Variants in PLCG1 observed in about 807,000 individuals in gnomAD.
The protein encoded by PLCG1 is phospholipase C gamma 1.
Under a neutral mutation model 177.8 loss-of-function variants are expected in PLCG1, and 71 were observed. That is an observed-to-expected ratio of 0.40 (90% CI 0.33 to 0.49). The LOEUF (loss-of-function observed/expected upper bound fraction) is 0.49. Among genes scored for constraint, PLCG1 ranks in the 20% least tolerant of loss-of-function variants. The probability of loss-of-function intolerance (pLI) is 0.72; values close to 1 mark genes in which losing one functional copy is unlikely to be tolerated. For synonymous variants in PLCG1, 658 were observed against 647.9 expected, an observed-to-expected ratio of 1.02 and a Z score of -0.24; for missense variants, 1,281 against 1,709.0, an observed-to-expected ratio of 0.75 and a Z score of 4.42.
In PLCG1 at chr20:41,141,673, A is replaced by G. The variant is rs35985779; in HGVS notation, c.217+3815A>G. On this transcript the variant is annotated intron_variant, in intron 1 of 31. Coordinates refer to ENST00000685551, the MANE Select transcript of PLCG1 (RefSeq NM_002660.3). ...TGCCTGTGTATTTCCTGTCTGATGTAGTTTTTTCCAAGGGAAGTCAGACCT... is the reference window on the plus strand; with the variant it reads ...TGCCTGTGTATTTCCTGTCTGATGTGGTTTTTTCCAAGGGAAGTCAGACCT... Among the ~76,000 whole-genome samples the G allele has an allele frequency of 9.9e-3, 1,502 of 152,342 alleles. 22 individuals are homozygous for G. The highest frequency in any genetic ancestry group is 0.034 in the African/African-American group (1,430 of 41,576).
In PLCG1 at chr20:41,148,217, G is replaced by A. The variant is rs2035056525; in HGVS notation, c.217+10359G>A. Among the ~76,000 whole-genome samples, 1 of 152,220 alleles carries A rather than the reference G, an allele frequency of 6.6e-6. No individual in the cohort carries two copies. Among genetic ancestry groups the A allele is most frequent in the Non-Finnish European group, 1.5e-5 (1 of 68,048 alleles). On this transcript the variant is annotated intron_variant, in intron 1 of 31. Transcript: ENST00000685551. The surrounding 1 kb of genome is among the most constrained non-coding windows in gnomAD (Gnocchi z 4.3). ...TAAACCAACATTTACTGTCCAAGAG[G>A]TGGCAGTAACACAGAAACCAAAGAG... is the stretch of plus-strand genomic sequence containing the variant.
Position 41,163,007 on chromosome 20 carries a change from G to C in PLCG1, c.716+15G>C, listed in dbSNP as rs374657156. 18 of 1,612,988 alleles carry C rather than the reference G, an allele frequency of 1.1e-5. No homozygotes were observed. In the South Asian group the frequency reaches 1.8e-4, roughly 16 times the overall value. ...AGTACTCTGAGGTTTGGTTTGGAGTGGGGAGGTGGGGTTTTCCCTGGGCCC... is the reference window on the plus strand; with the variant it reads ...AGTACTCTGAGGTTTGGTTTGGAGTCGGGAGGTGGGGTTTTCCCTGGGCCC... On this transcript the variant is annotated intron_variant, in intron 7 of 31. Transcript: ENST00000685551. The surrounding 1 kb of genome is among the most constrained non-coding windows in gnomAD (Gnocchi z 5.2).
Position 41,163,891 on chromosome 20 carries a change from A to T in PLCG1, c.1011-30A>T, listed in dbSNP as rs757140342. Reference sequence around the variant, plus strand: ...CTTCCCCAGGAGGGCCCATCTGACCATACCTACCTGCCTCTCCTTGCCTAT... The same window carrying T: ...CTTCCCCAGGAGGGCCCATCTGACCTTACCTACCTGCCTCTCCTTGCCTAT... On this transcript the variant is annotated intron_variant, in intron 10 of 31. Coordinates refer to ENST00000685551, the MANE Select transcript of PLCG1 (RefSeq NM_002660.3). The surrounding 1 kb of genome is among the most constrained non-coding windows in gnomAD (Gnocchi z 5.2). 6.2e-7 allele frequency: 1 copy of T among 1,612,244 alleles called. No homozygotes were observed. Among genetic ancestry groups the T allele is most frequent in the Non-Finnish European group, 8.5e-7 (1 of 1,178,432 alleles).
rs1262069083 is a variant in PLCG1, at chr20:41,175,077, G to A, written c.*568G>A. 2 of 153,974 alleles carry A rather than the reference G, an allele frequency of 1.3e-5. No homozygotes were observed. Among genetic ancestry groups the A allele is most frequent in the African/African-American group, 4.8e-5 (2 of 41,458 alleles). The allele number at this position is 153,974 out of a possible 1,614,324, so 9.5% of individuals were successfully genotyped here. A position where few individuals can be genotyped will look rare whatever the true frequency, so the allele number is the denominator to read the frequency against. Reference sequence around the variant, plus strand: ...CCTGAGGAGGAGGACACAGCACAAGGGCACATTGCCCATGGCTGGGAACAT... The same window carrying A: ...CCTGAGGAGGAGGACACAGCACAAGAGCACATTGCCCATGGCTGGGAACAT... On this transcript the variant is annotated 3_prime_UTR_variant, in exon 32 of 32. Coordinates refer to ENST00000685551, the MANE Select transcript of PLCG1 (RefSeq NM_002660.3).
chr20:41,164,548 G>A lies in PLCG1; in HGVS notation c.1217+347G>A, dbSNP rs760763. 1 allele frequency among the ~76,000 whole-genome samples: 151,737 copies of A among 152,246 alleles called. 75,617 individuals carry two copies. Among genetic ancestry groups the A allele is most frequent in the Middle Eastern group, 1 (294 of 294 alleles). On this transcript the variant is annotated intron_variant, in intron 12 of 31. Coordinates refer to ENST00000685551, the MANE Select transcript of PLCG1 (RefSeq NM_002660.3). The surrounding 1 kb of genome is among the most constrained non-coding windows in gnomAD (Gnocchi z 6.4). ...GCCCAGAAGATTGTCTCTGTTCCCT[G>A]TGTCCCATTCCTTCAATTCTGTTTA... is the stretch of plus-strand genomic sequence containing the variant.
chr20:41,142,864 C>T (rs967143336), intron 1 of PLCG1, among the ~76,000 whole-genome samples: 2 of 152,120 alleles, frequency 1.3e-5, no homozygotes, highest in Non-Finnish European at 2.9e-5. Context: ...TACGTAGGAT[C>T]CCTGACAGGA....
In PLCG1 at chr20:41,150,632, C is replaced by T. The variant is rs2035137351; in HGVS notation, c.218-8974C>T. On this transcript the variant is annotated intron_variant, in intron 1 of 31. Transcript: ENST00000685551. This position sits in a 1 kb window ranked among gnomAD's most constrained non-coding sequence, Gnocchi z 4.0. ...AGTTGGGGAAAGCCACCTTTCCCTA[C>T]TGTGGCAGTCAAGGCTTGGTATAGG... 6.6e-6 allele frequency among the ~76,000 whole-genome samples: 1 copy of T among 152,198 alleles called. No homozygotes were observed. Among genetic ancestry groups the T allele is most frequent in the African/African-American group, 2.4e-5 (1 of 41,438 alleles).
intron 1 of PLCG1, among the ~76,000 whole-genome samples, chr20:41,149,893 C>T (rs935788548): frequency 6.6e-6 from 1 of 152,116 alleles, no homozygotes; most frequent in African/African-American, 2.4e-5. Flanking sequence ...GAAGGAGGAC[C>T]ATAGATAAGT....
At chr20:41,169,605 A>G (rs2035828262) in intron 23 of PLCG1, 79 bp downstream of exon 23, 1 of 1,173,198 alleles carries the variant, frequency 8.5e-7, no homozygotes, top group Non-Finnish European at 1.3e-6. Flanking sequence ...GCTCCTAGGG[A>G]GGAAGCTGAT....
At position 41,170,105 on chromosome 20, in the gene PLCG1, C is replaced by T. The variant is rs953550217; in HGVS notation, c.2651-7C>T. The T allele has an allele frequency of 3.1e-6, 5 of 1,605,396 alleles. No homozygotes were observed. The African/African-American group carries it at 5.4e-5, about 17-fold the overall frequency. ...TTCCCAGCTGTTATCTGCTCTCGCCCTCCCAGCCATCCGTCCTGAGGGCAA... is the reference window on the plus strand; with the variant it reads ...TTCCCAGCTGTTATCTGCTCTCGCCTTCCCAGCCATCCGTCCTGAGGGCAA... On this transcript the variant is annotated splice_polypyrimidine_tract_variant and splice_region_variant and intron_variant, in intron 23 of 31. Transcript: ENST00000685551.
In PLCG1 at chr20:41,175,209, T is replaced by G. The variant is rs1019111240; in HGVS notation, c.*700T>G. The G allele has an allele frequency of 6.6e-6, 1 of 152,400 alleles. No homozygotes were observed. The highest frequency in any genetic ancestry group is 2.1e-4 in the South Asian group (1 of 4,824). The allele number at this position is 152,400 out of a possible 1,614,324, so 9.4% of individuals were successfully genotyped here. A position where few individuals can be genotyped will look rare whatever the true frequency, so the allele number is the denominator to read the frequency against. ...TTACTCCTCCTGCTCCTCACCCCTGTAGGGAAACCTTGGAGAGGAGAGTGG... is the reference window on the plus strand; with the variant it reads ...TTACTCCTCCTGCTCCTCACCCCTGGAGGGAAACCTTGGAGAGGAGAGTGG... On this transcript the variant is annotated 3_prime_UTR_variant, in exon 32 of 32. Transcript: ENST00000685551.
rs200243762 is a variant in PLCG1, at chr20:41,162,429, T to C, written c.513-23T>C. ...GTCATGAGAAGCTGGATGAGACCACTGGGGATGTCCCTGTTTTCTCAGTAT... is the reference window on the plus strand; with the variant it reads ...GTCATGAGAAGCTGGATGAGACCACCGGGGATGTCCCTGTTTTCTCAGTAT... On this transcript the variant is annotated intron_variant, in intron 4 of 31. Coordinates refer to ENST00000685551, the MANE Select transcript of PLCG1 (RefSeq NM_002660.3). 4 of 1,591,514 alleles carry C rather than the reference T, an allele frequency of 2.5e-6. No individual in the cohort carries two copies. The East Asian group carries it at 6.7e-5, about 27-fold the overall frequency.
Position 41,163,203 on chromosome 20 carries a change from G to T in PLCG1, c.717G>T (p.Arg239Ser), listed in dbSNP as rs1568744327. 6.5e-7 allele frequency: 1 copy of T among 1,545,190 alleles called. No individual in the cohort carries two copies. The highest frequency in any genetic ancestry group is 8.7e-7 in the Non-Finnish European group (1 of 1,148,014). ...DLPFLEASTL[R>S]AGERPELCRV... ...GCTAGCTTACCTTCTCTCCCTGCAG[G>T]GCTGGGGAGCGGCCGGAGCTTTGCC... Residue 239 changes from arginine to serine, a missense_variant and splice_region_variant, in exon 8 of 32, where the codon AGG (arginine) becomes AGT (serine). By Grantham distance (110) the Arg-to-Ser change is moderately radical. Coordinates refer to ENST00000685551, the MANE Select transcript of PLCG1 (RefSeq NM_002660.3). The surrounding 1 kb of genome is among the most constrained non-coding windows in gnomAD (Gnocchi z 5.2).
chr20:41,165,047 C>G lies in PLCG1; in HGVS notation c.1332C>G (p.Ile444Met), dbSNP rs1256660086. 1 of 1,614,160 alleles carries G rather than the reference C, an allele frequency of 6.2e-7. No individual in the cohort carries two copies. The highest frequency in any genetic ancestry group is 1.7e-5 in the Admixed American group (1 of 60,010). Residue 444 changes from isoleucine to methionine, a missense_variant, in exon 13 of 32, where the codon ATC becomes ATG. Ile to Met is a conservative substitution (Grantham distance 10). Around this residue, in one of 4 missense-constraint regions of PLCG1, gnomAD observed 723 missense variants for 1,030.0 expected, o/e 0.70. Coordinates refer to ENST00000685551, the MANE Select transcript of PLCG1 (RefSeq NM_002660.3). The surrounding 1 kb of genome is among the most constrained non-coding windows in gnomAD (Gnocchi z 6.6). ...GDTLLTKPVE[I>M]SADGLPSPNQ... ...CACTCCTCACCAAGCCCGTGGAGAT[C>G]TCTGCCGACGGGCTCCCCTCACCCA...
rs778731536 is a variant in PLCG1, at chr20:41,165,839, A to T, written c.1799+13A>T. 4 of 1,559,334 alleles carry T rather than the reference A, an allele frequency of 2.6e-6. No individual in the cohort carries two copies. The highest frequency in any genetic ancestry group is 3.5e-6 in the Non-Finnish European group (4 of 1,146,860). On this transcript the variant is annotated intron_variant, in intron 16 of 31. Transcript: ENST00000685551. The surrounding 1 kb of genome is among the most constrained non-coding windows in gnomAD (Gnocchi z 6.6). ...CGCTCTCTTTCTGGTAACACTTCCC[A>T]TGCAGATGCGTATGTTCAGTCAGCG...
rs890298050 is a variant in PLCG1 at position 41,175,402 on chromosome 20, A to G, written c.*893A>G. ...CAGTATGCTTTCCCTGAGGAATGAA[A>G]AAGGGATTGAGGAGTTGCCTGACTC... On this transcript the variant is annotated 3_prime_UTR_variant, in exon 32 of 32. Coordinates refer to ENST00000685551, the MANE Select transcript of PLCG1 (RefSeq NM_002660.3). 5.9e-5 allele frequency: 9 copies of G among 152,174 alleles called. No homozygotes were observed. Among genetic ancestry groups the G allele is most frequent in the African/African-American group, 2.2e-4 (9 of 41,434 alleles). 9.4% of individuals were successfully genotyped at this position (152,174 alleles called of 1,614,324 possible). A position where few individuals can be genotyped will look rare whatever the true frequency, so the allele number is the denominator to read the frequency against.
chr20:41,154,496 C>T (rs768134251), intron 1 of PLCG1, among the ~76,000 whole-genome samples: 4 of 152,210 alleles, frequency 2.6e-5, no homozygotes, highest in Admixed American at 1.3e-4. Context: ...TTGAACTCTG[C>T]CGGGGCAACA....
At position 41,137,679 on chromosome 20, in the gene PLCG1, G is replaced by A; in HGVS notation, c.38G>A (p.Gly13Glu). The A allele has an allele frequency of 7.6e-7, 1 of 1,321,042 alleles. No individual in the cohort carries two copies. Among genetic ancestry groups the A allele is most frequent in the Non-Finnish European group, 9.7e-7 (1 of 1,034,684 alleles). The allele number at this position is 1,321,042 out of a possible 1,614,324, so 81.8% of individuals were successfully genotyped here. ...GCGTCCCCTTGCGCCAACGGCTGCG[G>A]GCCCGGCGCGCCCTCGGACGCCGAG... ...GAASPCANGC[G>E]PGAPSDAEVL... Residue 13 changes from glycine (G) to glutamate (E), a missense_variant, in exon 1 of 32, where the codon GGG (glycine) becomes GAG (glutamate). By Grantham distance (98) the Gly-to-Glu change is moderately conservative (BLOSUM62 -2). Coordinates refer to ENST00000685551, the MANE Select transcript of PLCG1 (RefSeq NM_002660.3). The surrounding 1 kb of genome is among the most constrained non-coding windows in gnomAD (Gnocchi z 7.3).
In PLCG1 at chr20:41,147,019, G is replaced by A. The variant is rs1052534553; in HGVS notation, c.217+9161G>A. ...CTCAGTTGGGAGGTTGGGCAGCGATGGGGGCAGGGGTGATGGTCCTTCTCT... is the reference window on the plus strand; with the variant it reads ...CTCAGTTGGGAGGTTGGGCAGCGATAGGGGCAGGGGTGATGGTCCTTCTCT... On this transcript the variant is annotated intron_variant, in intron 1 of 31. Transcript: ENST00000685551. The surrounding 1 kb of genome is among the most constrained non-coding windows in gnomAD (Gnocchi z 4.0). Among the ~76,000 whole-genome samples, 1 of 152,168 alleles carries A rather than the reference G, an allele frequency of 6.6e-6. No homozygotes were observed. Among genetic ancestry groups the A allele is most frequent in the Admixed American group, 6.5e-5 (1 of 15,274 alleles).
Sources: gnomAD v4.1 joint callset for allele counts (sites outside exome capture counted in the v4.1 genomes callset) on GRCh38, gnomAD v4.1.1 for gene constraint, gnomAD v4.1.1 regional missense constraint, Gnocchi (gnomAD v3.1) non-coding constraint, MANE v1.5 for transcripts, NCBI Gene and HGNC (gene_info 2026-07-23, HGNC 2026-07-21) for gene names.